TMEM132D: variants seen among roughly 807,000 people sequenced by gnomAD.
TMEM132D encodes the protein transmembrane protein 132D.
In TMEM132D, 21 loss-of-function variants were observed where a neutral mutation model predicts 62.3. That is an observed-to-expected ratio of 0.34 (90% CI 0.24 to 0.49). The LOEUF is 0.49. Among genes scored for constraint, TMEM132D ranks in the 20% least tolerant of loss-of-function variants. The pLI is 0.99. For missense variants in TMEM132D, 1,346 were observed against 1,402.8 expected (o/e 0.96, Z 0.65); for synonymous variants, 621 against 575.6 (o/e 1.08, Z -1.13).
intron 3 of TMEM132D, among the ~76,000 whole-genome samples, chr12:129,364,530 C>T (rs369706289): frequency 6.6e-6 from 1 of 152,166 alleles, no homozygotes; most frequent in Non-Finnish European, 1.5e-5. Context: ...TAGTTGCAAT[C>T]GGGAATCAAG....
At chr12:129,184,546 T>C (rs57549565) in intron 5 of TMEM132D, among the ~76,000 whole-genome samples, 45,666 of 152,096 alleles carry the variant, frequency 0.3, 7,314 homozygotes, top group East Asian at 0.54. Context: ...CCAGAAGGGC[T>C]GGGGTGGTGG....
intron 1 of TMEM132D, among the ~76,000 whole-genome samples, chr12:129,772,110 A>T (rs79919732): frequency 0.021 from 3,130 of 148,280 alleles, 152 homozygotes; most frequent in East Asian, 0.15. Flanking sequence ...AAGCCTTTTT[A>T]AAAAAAAAAA....
chr12:129,238,984 T>C (rs897092459), intron 4 of TMEM132D, among the ~76,000 whole-genome samples: 5 of 146,788 alleles, frequency 3.4e-5, no homozygotes, highest in African/African-American at 1.3e-4. Flanking sequence ...TCATCAACAT[T>C]TGTTATTTTC....
intron 1 of TMEM132D, among the ~76,000 whole-genome samples, chr12:129,847,555 A>C (rs1296382609): frequency 6.6e-6 from 1 of 152,164 alleles, no homozygotes; most frequent in East Asian, 1.9e-4. Context: ...AAATCAGCAG[A>C]GGCATCAGCT....
intron 3 of TMEM132D, among the ~76,000 whole-genome samples, chr12:129,450,763 TTTTTTTTTTTTGAAACA>T (rs1451304618): frequency 7.0e-6 from 1 of 142,436 alleles, no homozygotes; most frequent in Non-Finnish European, 1.5e-5. Flanking sequence ...TTTTTTTTTT[TTTTTTTTTTTTGAAACA>T]GAGTCTCACT....
intron 2 of TMEM132D, among the ~76,000 whole-genome samples, chr12:129,577,867 G>T (rs1432317835): frequency 6.6e-6 from 1 of 152,126 alleles, no homozygotes; most frequent in African/African-American, 2.4e-5. Context: ...TGAGCTAAGG[G>T]ATACTCAGAT....
intron 2 of TMEM132D, among the ~76,000 whole-genome samples, chr12:129,587,379 G>T (rs1878060006): frequency 6.6e-6 from 1 of 152,142 alleles, no homozygotes; most frequent in African/African-American, 2.4e-5. Context: ...GATACACACT[G>T]GGCCTATGTG....
chr12:129,847,918 C>A (rs1005848320), intron 1 of TMEM132D, among the ~76,000 whole-genome samples: 2 of 152,076 alleles, frequency 1.3e-5, no homozygotes, highest in Non-Finnish European at 2.9e-5. Flanking sequence ...CAGCCACAGC[C>A]ACCACCTGCC....
Position 129,478,538 on chromosome 12 carries a change from G to C in TMEM132D, c.1115+52521C>G, listed in dbSNP as rs78348299. Among the ~76,000 whole-genome samples the C allele has an allele frequency of 3.1e-3, 472 of 152,306 alleles. 2 individuals are homozygous for C. The highest frequency in any genetic ancestry group is 0.011 in the African/African-American group (450 of 41,576). On this transcript the variant is annotated intron_variant, in intron 3 of 8. Coordinates refer to ENST00000422113, the MANE Select transcript of TMEM132D (RefSeq NM_133448.3). The stretch of plus-strand genomic sequence containing the variant: ...TAAATGGCCCTTGATTTTTGGAACA[G>C]TTCAGAATATCCAGCCAAGTATTTC...
At chr12:129,684,368 C>G (rs960786587) in intron 2 of TMEM132D, among the ~76,000 whole-genome samples, 3 of 152,048 alleles carry the variant, frequency 2.0e-5, no homozygotes, top group Non-Finnish European at 4.4e-5. Flanking sequence ...TTCCTTCCTG[C>G]CATCATGTGA....
At chr12:129,208,444 G>GA (rs1340457752) in intron 5 of TMEM132D, among the ~76,000 whole-genome samples, 2 of 152,150 alleles carry the variant, frequency 1.3e-5, no homozygotes, top group African/African-American at 2.4e-5. Flanking sequence ...CCTTCTCTCT[G>GA]AAACCCATAA....
chr12:129,111,273 G>C (rs1456034643), intron 5 of TMEM132D: 4 of 152,300 alleles, frequency 2.6e-5, no homozygotes, highest in Non-Finnish European at 5.9e-5. Flanking sequence ...CCAGGAGATG[G>C]GGGGAGGCAG....
intron 2 of TMEM132D, among the ~76,000 whole-genome samples, chr12:129,664,539 C>T (rs1468233891): frequency 6.7e-6 from 1 of 150,348 alleles, no homozygotes; most frequent in Non-Finnish European, 1.5e-5. Flanking sequence ...ATTCTCCTGC[C>T]TCAGCCTCCC....
At chr12:129,234,636 G>A (rs1266668592) in intron 4 of TMEM132D, among the ~76,000 whole-genome samples, 1 of 152,178 alleles carries the variant, frequency 6.6e-6, no homozygotes, top group Non-Finnish European at 1.5e-5. Context: ...AGTGCATGAA[G>A]TTCCCTGTTT....
chr12:129,613,138 C>G (rs1200252572), intron 2 of TMEM132D, among the ~76,000 whole-genome samples: 1 of 152,062 alleles, frequency 6.6e-6, no homozygotes, highest in Non-Finnish European at 1.5e-5. Flanking sequence ...GCACAGGGTC[C>G]CAGTTGGTTA....
At chr12:129,543,390 ATGGATGGATGGATG>A (rs1876645181) in intron 2 of TMEM132D, among the ~76,000 whole-genome samples, 1 of 136,376 alleles carries the variant, frequency 7.3e-6, no homozygotes, top group African/African-American at 2.9e-5. Context: ...GGATGGATGG[ATGGATGGATGGATG>A]GATAGACAGA....
chr12:129,647,243 G>GTTTTTTTTTTTTT (rs57450911), intron 2 of TMEM132D, among the ~76,000 whole-genome samples: 1 of 117,592 alleles, frequency 8.5e-6, no homozygotes, highest in Non-Finnish European at 1.7e-5. Flanking sequence ...TTGTTTTTCT[G>GTTTTTTTTTTTTT]TTTTTTTTTT....
rs111360744 is a variant in TMEM132D at position 129,522,212 on chromosome 12, T to A, written c.1115+8847A>T. Among the ~76,000 whole-genome samples, 212 of 152,204 alleles carry A rather than the reference T, an allele frequency of 1.4e-3. 2 individuals carry two copies. The highest frequency in any genetic ancestry group is 4.7e-3 in the African/African-American group (196 of 41,520). On this transcript the variant is annotated intron_variant, in intron 3 of 8. Coordinates refer to ENST00000422113, the MANE Select transcript of TMEM132D (RefSeq NM_133448.3). Reference sequence around the variant, plus strand: ...GCAGGTGAAAGCTGTCAGAAGAAAGTTGCTTTTAGAAATGATAGAAACCAA... The same window carrying A: ...GCAGGTGAAAGCTGTCAGAAGAAAGATGCTTTTAGAAATGATAGAAACCAA...
At position 129,827,973 on chromosome 12, in the gene TMEM132D, T is replaced by G. The variant is rs902760062; in HGVS notation, c.79+75288A>C. Among the ~76,000 whole-genome samples, 1 of 152,212 alleles carries G rather than the reference T, an allele frequency of 6.6e-6. No individual in the cohort carries two copies. The highest frequency in any genetic ancestry group is 1.5e-5 in the Non-Finnish European group (1 of 68,040). On this transcript the variant is annotated intron_variant, in intron 1 of 8. Coordinates refer to ENST00000422113, the MANE Select transcript of TMEM132D (RefSeq NM_133448.3). This position sits in a 1 kb window ranked among gnomAD's most constrained non-coding sequence, Gnocchi z 9.7. ...CTAAGTAATGATAAATGTATGATAA[T>G]TTATTCTAAGTAAAATGAAGTGTGC...
Sources: allele counts gnomAD v4.1 joint callset (sites outside exome capture counted in the v4.1 genomes callset), GRCh38; gene constraint gnomAD v4.1.1; non-coding constraint Gnocchi (gnomAD v3.1); transcripts MANE v1.5; gene names NCBI Gene and HGNC (gene_info 2026-07-23, HGNC 2026-07-21).